TOP6BL: variants seen among roughly 807,000 people sequenced by gnomAD.
TOP6BL encodes type 2 DNA topoisomerase 6 subunit B-like.
the TOP6BL span, among the ~76,000 whole-genome samples, chr11:66,832,701 CAGTTTCCCTCGGACTTGGAA>C: frequency 2.0e-5 from 3 of 152,356 alleles, no homozygotes; most frequent in Admixed American, 1.3e-4. Flanking sequence ...ATACTCTTGC[CAGTTTCCCTCGGACTTGGAA>C]AGCCGCTGTC....
At chr11:66,815,147 C>T in the TOP6BL span, among the ~76,000 whole-genome samples, 9 of 152,292 alleles carry the variant, frequency 5.9e-5, no homozygotes, top group South Asian at 1.7e-3. Context: ...ATAGACTCCA[C>T]CGATTTCGAA....
chr11:66,745,502 T>A, the TOP6BL span, among the ~76,000 whole-genome samples: 6 of 152,184 alleles, frequency 3.9e-5, no homozygotes, highest in Admixed American at 3.9e-4. Flanking sequence ...ACTGAGCGCC[T>A]GGCGCCGGCC....
At chr11:66,771,930 G>A in the TOP6BL span, among the ~76,000 whole-genome samples, 1 of 152,112 alleles carries the variant, frequency 6.6e-6, no homozygotes, top group South Asian at 2.1e-4. Context: ...AACTTTTAAG[G>A]CTTATTATTT....
At chr11:66,760,229 T>TGCTTGATCC in the TOP6BL span, among the ~76,000 whole-genome samples, 4 of 150,498 alleles carry the variant, frequency 2.7e-5, no homozygotes, top group Admixed American at 6.6e-5. Flanking sequence ...GCAGGCAGAT[T>TGCTTGATCC]ACCTAGGTCA....
chr11:66,751,361 A>T, the TOP6BL span, among the ~76,000 whole-genome samples: 2 of 151,286 alleles, frequency 1.3e-5, no homozygotes, highest in Admixed American at 1.3e-4. Flanking sequence ...CGCCCAGCTA[A>T]TTTTTGTATT....
At chr11:66,803,967 TA>T in the TOP6BL span, 8 of 1,558,116 alleles carry the variant, frequency 5.1e-6, no homozygotes, top group Non-Finnish European at 7.0e-6. Flanking sequence ...GAAAAAATGT[TA>T]AATTTGACTT....
chr11:66,778,717 C>T, the TOP6BL span, among the ~76,000 whole-genome samples: 1 of 152,066 alleles, frequency 6.6e-6, no homozygotes, highest in Admixed American at 6.6e-5. Context: ...CAATCTTAAG[C>T]CAAAAGAACA....
At chr11:66,806,582 A>G in the TOP6BL span, among the ~76,000 whole-genome samples, 1 of 152,322 alleles carries the variant, frequency 6.6e-6, no homozygotes, top group South Asian at 2.1e-4. Context: ...AGCATGGCCA[A>G]CATGGCAAAA....
the TOP6BL span, chr11:66,756,233 A>C: frequency 1.0e-6 from 1 of 960,644 alleles, no homozygotes; most frequent in Non-Finnish European, 1.2e-6. Context: ...TAGTTAAAAT[A>C]AGTTTTTAAA....
chr11:66,812,924 G>A, the TOP6BL span, among the ~76,000 whole-genome samples: 2 of 152,128 alleles, frequency 1.3e-5, no homozygotes, highest in African/African-American at 4.8e-5. Context: ...AGAATTATCT[G>A]GCCCAAAGTG....
chr11:66,838,564 T>C, the TOP6BL span: 2 of 873,130 alleles, frequency 2.3e-6, no homozygotes, highest in East Asian at 2.7e-5. Flanking sequence ...TTCTGCAATT[T>C]AGTGGGCTGT....
chr11:66,838,881 G>A, the TOP6BL span, among the ~76,000 whole-genome samples: 4 of 152,070 alleles, frequency 2.6e-5, no homozygotes, highest in African/African-American at 9.7e-5. Flanking sequence ...ACAGGCGCCC[G>A]CCATCACGCC....
the TOP6BL span, chr11:66,803,946 T>C: frequency 6.7e-7 from 1 of 1,487,134 alleles, no homozygotes; most frequent in South Asian, 1.2e-5. Context: ...TTTTAAATAA[T>C]TTCTTAAGAG....
chr11:66,824,667 A>T, the TOP6BL span, among the ~76,000 whole-genome samples: 1 of 129,968 alleles, frequency 7.7e-6, no homozygotes, highest in South Asian at 2.4e-4. Context: ...TCATTGTTCA[A>T]TTCGCACTTA....
At chr11:66,799,005 G>T in the TOP6BL span, among the ~76,000 whole-genome samples, 11 of 151,984 alleles carry the variant, frequency 7.2e-5, no homozygotes, top group African/African-American at 2.7e-4. Context: ...TCAGGAGTTC[G>T]AGACCAGCCT....
chr11:66,768,472 C>T, the TOP6BL span, among the ~76,000 whole-genome samples: 2 of 151,874 alleles, frequency 1.3e-5, no homozygotes, highest in Non-Finnish European at 2.9e-5. Flanking sequence ...GAGACTTAGC[C>T]TCATATACTA....
At chr11:66,748,608 T>C in the TOP6BL span, 2 of 1,024,378 alleles carry the variant, frequency 2.0e-6, no homozygotes, top group Admixed American at 3.2e-5. Flanking sequence ...TCTTTTATCA[T>C]GTTATTCCAG....
the TOP6BL span, among the ~76,000 whole-genome samples, chr11:66,801,915 C>T: frequency 6.6e-6 from 1 of 152,208 alleles, no homozygotes; most frequent in Non-Finnish European, 1.5e-5. Flanking sequence ...TCTGTCTTGC[C>T]TTCCTGTGCC....
the TOP6BL span, chr11:66,748,423 A>T: frequency 6.5e-7 from 1 of 1,548,152 alleles, no homozygotes; most frequent in Non-Finnish European, 8.7e-7. Context: ...ACATAGATGT[A>T]TCAAAGGGAG....
Sources: allele counts gnomAD v4.1 joint callset (sites outside exome capture counted in the v4.1 genomes callset), GRCh38; gene constraint gnomAD v4.1.1; transcripts MANE v1.5; gene names NCBI Gene and HGNC (gene_info 2026-07-23, HGNC 2026-07-21).